Variants in GRID1 observed in about 807,000 individuals in gnomAD.
GRID1 encodes the protein glutamate ionotropic receptor delta type subunit 1.
GRID1 carries 28 observed loss-of-function variants against 98.0 expected under a neutral mutation model. The ratio of observed to expected loss-of-function variants is 0.29; its 90% CI spans 0.21 to 0.39. The LOEUF (loss-of-function observed/expected upper bound fraction) is 0.39, where lower values mean the gene tolerates loss of function less well. GRID1 is among the 10% of genes least tolerant of loss of function. The probability of loss-of-function intolerance (pLI) is 1.00; values close to 1 mark genes in which losing one functional copy is unlikely to be tolerated. For synonymous variants in GRID1, 553 were observed against 538.5 expected (o/e 1.03, Z -0.37); for missense variants, 1,111 against 1,340.5 (o/e 0.83, Z 2.67).
chr10:85,861,087 C>T (rs1843159842), intron 6 of GRID1, among the ~76,000 whole-genome samples: 1 of 152,192 alleles, frequency 6.6e-6, no homozygotes, highest in African/African-American at 2.4e-5. Context: ...GAGAGCTCCT[C>T]CAGGGATGTC....
chr10:86,083,864 C>T (rs893362417), intron 4 of GRID1, among the ~76,000 whole-genome samples: 5 of 152,216 alleles, frequency 3.3e-5, no homozygotes, highest in Non-Finnish European at 7.3e-5. Flanking sequence ...GTTGTACTTG[C>T]GTGTTTTCAG....
At chr10:86,221,458 G>A (rs1846253215) in intron 2 of GRID1, among the ~76,000 whole-genome samples, 1 of 152,220 alleles carries the variant, frequency 6.6e-6, no homozygotes, top group African/African-American at 2.4e-5. Context: ...TCCCAGCACA[G>A]GCCCCAGCAA....
At chr10:85,876,779 C>A (rs113228625) in intron 5 of GRID1, among the ~76,000 whole-genome samples, 102 of 152,276 alleles carry the variant, frequency 6.7e-4, no homozygotes, top group African/African-American at 2.2e-3. Flanking sequence ...TGCAGCGCAC[C>A]GTGTGCCAGC....
chr10:85,882,899 T>C (rs552139451), intron 5 of GRID1, among the ~76,000 whole-genome samples: 139 of 152,256 alleles, frequency 9.1e-4, no homozygotes, highest in Admixed American at 1.8e-3. Context: ...TGTTATGCTA[T>C]ACCCAGATAT....
chr10:85,935,981 G>C (rs912130684), intron 4 of GRID1, among the ~76,000 whole-genome samples: 1 of 152,168 alleles, frequency 6.6e-6, no homozygotes, highest in African/African-American at 2.4e-5. Flanking sequence ...CAGTGTATGA[G>C]CTGGGAATAC....
At chr10:85,750,758 A>G (rs2132685811) in intron 8 of GRID1, among the ~76,000 whole-genome samples, 1 of 152,334 alleles carries the variant, frequency 6.6e-6, no homozygotes, top group East Asian at 1.9e-4. Flanking sequence ...AAGGACTCCT[A>G]TAGCTTAATG....
At chr10:86,005,338 G>A (rs1370494173) in intron 4 of GRID1, among the ~76,000 whole-genome samples, 1 of 134,598 alleles carries the variant, frequency 7.4e-6, no homozygotes, top group Non-Finnish European at 1.7e-5. Flanking sequence ...ATAAGTACTT[G>A]TAAAATAAAT....
At chr10:85,630,009 T>C (rs1842957945) in intron 13 of GRID1, among the ~76,000 whole-genome samples, 1 of 152,226 alleles carries the variant, frequency 6.6e-6, no homozygotes, top group Admixed American at 6.5e-5. Context: ...TGTATGTCTT[T>C]GTTTGAAAAA....
chr10:86,028,824 T>TA (rs1318872664), intron 4 of GRID1, among the ~76,000 whole-genome samples: 11 of 151,172 alleles, frequency 7.3e-5, no homozygotes, highest in Admixed American at 1.3e-4. Flanking sequence ...TATTTATACT[T>TA]AAAAAAAAAG....
chr10:86,337,473 T>G (rs112639032), intron 2 of GRID1, among the ~76,000 whole-genome samples: 4,847 of 152,082 alleles, frequency 0.032, 250 homozygotes, highest in African/African-American at 0.11. Flanking sequence ...AAGCCAGCAC[T>G]CGGGGAGGCA....
intron 2 of GRID1, among the ~76,000 whole-genome samples, chr10:86,242,223 G>A (rs186996472): frequency 2.0e-5 from 3 of 152,310 alleles, no homozygotes; most frequent in Admixed American, 1.3e-4. Context: ...AAAGAATAAG[G>A]TCAGGTGTTC....
At chr10:86,310,914 G>C (rs1251681166) in intron 2 of GRID1, among the ~76,000 whole-genome samples, 1 of 152,192 alleles carries the variant, frequency 6.6e-6, no homozygotes, top group Admixed American at 6.5e-5. Flanking sequence ...CTCCATCCCA[G>C]ACAGCAGAGG....
At chr10:85,816,674 A>AT (rs1842718991) in intron 8 of GRID1, among the ~76,000 whole-genome samples, 1 of 152,100 alleles carries the variant, frequency 6.6e-6, no homozygotes, top group South Asian at 2.1e-4. Context: ...TTATTGTATA[A>AT]TTTTTTCATG....
chr10:85,891,105 G>A (rs1268261993), intron 5 of GRID1, among the ~76,000 whole-genome samples: 2 of 152,102 alleles, frequency 1.3e-5, no homozygotes, highest in African/African-American at 2.4e-5. Context: ...TATCTCAGGA[G>A]AATATTTAAA....
intron 8 of GRID1, among the ~76,000 whole-genome samples, chr10:85,809,875 C>G (rs181537237): frequency 0.014 from 2,096 of 152,244 alleles, 33 homozygotes; most frequent in Non-Finnish European, 0.02. Context: ...GCCACTATAG[C>G]CCCCCTGTAG....
In GRID1 at chr10:86,211,415, C is replaced by A. The variant is rs190752276; in HGVS notation, c.236-4767G>T. On this transcript the variant is annotated intron_variant, in intron 2 of 15. Transcript: ENST00000327946. ...CTGTAATGAGCGGCTTCCAGCCCCC[C>A]CACCTGCACCCTGTGTCCTGGGAAA... Among the ~76,000 whole-genome samples, 1,042 of 152,332 alleles carry A rather than the reference C, an allele frequency of 6.8e-3. 15 individuals carry two copies. The highest frequency in any genetic ancestry group is 0.023 in the African/African-American group (971 of 41,562).
At chr10:86,276,562 G>C (rs1847272792) in intron 2 of GRID1, among the ~76,000 whole-genome samples, 1 of 151,520 alleles carries the variant, frequency 6.6e-6, no homozygotes, top group Non-Finnish European at 1.5e-5. Context: ...GAGCGCAGTG[G>C]CACAATCTTA....
intron 2 of GRID1, among the ~76,000 whole-genome samples, chr10:86,231,114 C>A (rs926276028): frequency 6.6e-6 from 1 of 152,216 alleles, no homozygotes; most frequent in Admixed American, 6.5e-5. Flanking sequence ...GAACTGCCTG[C>A]CCAGCTAGGC....
At chr10:86,242,481 G>C (rs1310153741) in intron 2 of GRID1, among the ~76,000 whole-genome samples, 1 of 152,224 alleles carries the variant, frequency 6.6e-6, no homozygotes, top group Non-Finnish European at 1.5e-5. Flanking sequence ...TGAGCTGCCT[G>C]CTGGTGGAGG....
Sources: gnomAD v4.1 joint callset for allele counts (sites outside exome capture counted in the v4.1 genomes callset) on GRCh38, gnomAD v4.1.1 for gene constraint, MANE v1.5 for transcripts, NCBI Gene and HGNC (gene_info 2026-07-23, HGNC 2026-07-21) for gene names.